The following DPP6 variants were observed in gnomAD, a reference collection of about 807,000 sequenced individuals.
DPP6 encodes the protein A-type potassium channel modulatory protein DPP6.
DPP6 carries 69 observed loss-of-function variants against 122.6 expected under a neutral mutation model. That is an observed-to-expected ratio of 0.56 (90% CI 0.46 to 0.69). The LOEUF (loss-of-function observed/expected upper bound fraction) is 0.69. Among genes scored for constraint, DPP6 ranks in the 30% least tolerant of loss-of-function variants. DPP6 has a pLI of 0.00. For missense variants in DPP6, 928 were observed against 1,116.9 expected (o/e 0.83, Z 2.41); for synonymous variants, 418 against 433.1 (o/e 0.97, Z 0.43).
At chr7:154,281,098 C>T (rs1027278796) in intron 1 of DPP6, among the ~76,000 whole-genome samples, 10 of 151,710 alleles carry the variant, frequency 6.6e-5, no homozygotes, top group Non-Finnish European at 1.2e-4. Context: ...CTGCAACCTC[C>T]GCCTCCCAGG....
chr7:154,069,451 A>T (rs1802964024), intron 1 of DPP6, among the ~76,000 whole-genome samples: 1 of 150,750 alleles, frequency 6.6e-6, no homozygotes, highest in Non-Finnish European at 1.5e-5. Flanking sequence ...AAAATAAAGT[A>T]TAATTTTTGA....
chr7:154,129,460 C>G (rs1233950093), intron 1 of DPP6, among the ~76,000 whole-genome samples: 1 of 152,198 alleles, frequency 6.6e-6, no homozygotes, highest in Non-Finnish European at 1.5e-5. Context: ...GTTGACTTAA[C>G]CTTTTGAAAA....
At chr7:154,452,776 C>G (rs1205436301) in intron 2 of DPP6, among the ~76,000 whole-genome samples, 1 of 152,188 alleles carries the variant, frequency 6.6e-6, no homozygotes, top group Non-Finnish European at 1.5e-5. Context: ...GGTAATCACT[C>G]TGAACAACAA....
intron 1 of DPP6, among the ~76,000 whole-genome samples, chr7:154,254,389 T>C (rs1802532921): frequency 6.6e-6 from 1 of 152,128 alleles, no homozygotes; most frequent in Non-Finnish European, 1.5e-5. Context: ...TAGGCTTACT[T>C]TGTTTATTTA....
At chr7:154,643,331 A>C (rs1836227753) in intron 6 of DPP6, among the ~76,000 whole-genome samples, 1 of 152,224 alleles carries the variant, frequency 6.6e-6, no homozygotes, top group Admixed American at 6.5e-5. Flanking sequence ...ATACTGTGTC[A>C]GCAAATACTT....
the DPP6 span, among the ~76,000 whole-genome samples, chr7:153,833,643 C>T: frequency 6.6e-6 from 1 of 151,504 alleles, no homozygotes; most frequent in Middle Eastern, 3.4e-3. Flanking sequence ...CACTGCACTC[C>T]AGCCTGGGCA....
At chr7:154,456,161 G>A (rs1308954984) in intron 2 of DPP6, among the ~76,000 whole-genome samples, 1 of 152,134 alleles carries the variant, frequency 6.6e-6, no homozygotes, top group Non-Finnish European at 1.5e-5. Context: ...AAGCAGGTCG[G>A]GGAACTAGGA....
At position 154,720,285 on chromosome 7, in the gene DPP6, G is replaced by A. The variant is rs1486319719; in HGVS notation, c.763-7482G>A. Among the ~76,000 whole-genome samples the A allele has an allele frequency of 5.3e-5, 8 of 152,286 alleles. 1 individual carries two copies. The South Asian group carries it at 1.7e-3, about 32-fold the overall frequency. On this transcript the variant is annotated intron_variant, in intron 7 of 25. Coordinates refer to ENST00000377770, the MANE Select transcript of DPP6 (RefSeq NM_130797.4). The stretch of plus-strand genomic sequence containing the variant: ...GCTTCCAGGCAGGGCGCCAGGGCAG[G>A]GCAGCATGGAGGAAGTGGAGACAGT...
intron 1 of DPP6, among the ~76,000 whole-genome samples, chr7:154,411,825 A>G (rs1324988289): frequency 6.6e-6 from 1 of 152,144 alleles, no homozygotes; most frequent in East Asian, 1.9e-4. Context: ...GGGCGCTAAT[A>G]ATACTTATTG....
At chr7:154,165,144 T>C (rs1462788644) in intron 1 of DPP6, among the ~76,000 whole-genome samples, 106 of 146,004 alleles carry the variant, frequency 7.3e-4, no homozygotes, top group African/African-American at 2.7e-3. Context: ...CTCCCAATAC[T>C]ATCCCTCCCC....
intron 1 of DPP6, among the ~76,000 whole-genome samples, chr7:154,213,110 C>G (rs1359420223): frequency 6.6e-6 from 1 of 152,150 alleles, no homozygotes; most frequent in Non-Finnish European, 1.5e-5. Context: ...GCCACCTGCT[C>G]TGATGGTCCA....
chr7:154,221,139 C>T (rs1800280479), intron 1 of DPP6, among the ~76,000 whole-genome samples: 1 of 151,972 alleles, frequency 6.6e-6, no homozygotes, highest in Non-Finnish European at 1.5e-5. Flanking sequence ...CATTAGGTTT[C>T]CTTTTATTGT....
At chr7:154,883,677 TACAC>T (rs1370945074) in intron 21 of DPP6, 2 of 145,886 alleles carry the variant, frequency 1.4e-5, no homozygotes, top group East Asian at 4.3e-4. Flanking sequence ...CACGATTACA[TACAC>T]CTGCTCACAC....
At chr7:154,370,862 G>A (rs1271400956) in intron 1 of DPP6, among the ~76,000 whole-genome samples, 1 of 152,180 alleles carries the variant, frequency 6.6e-6, no homozygotes, top group Admixed American at 6.5e-5. Context: ...GAAAGTGAGT[G>A]CGGATTTCTA....
chr7:154,163,107 A>G (rs1440071132), intron 1 of DPP6, among the ~76,000 whole-genome samples: 3 of 151,374 alleles, frequency 2.0e-5, no homozygotes, highest in Non-Finnish European at 4.4e-5. Context: ...CTAGTGTTGA[A>G]TGGAACTTGC....
At chr7:154,405,203 A>G (rs1305155717) in intron 1 of DPP6, among the ~76,000 whole-genome samples, 1 of 152,216 alleles carries the variant, frequency 6.6e-6, no homozygotes, top group Non-Finnish European at 1.5e-5. Context: ...TAGCTCAAGC[A>G]ACAATCATAC....
At chr7:154,468,655 G>A (rs886881707) in intron 2 of DPP6, among the ~76,000 whole-genome samples, 2 of 152,330 alleles carry the variant, frequency 1.3e-5, no homozygotes, top group Admixed American at 6.5e-5. Flanking sequence ...AGGACATGAA[G>A]AGGGAATGTA....
the DPP6 span, among the ~76,000 whole-genome samples, chr7:153,843,275 C>T: frequency 0.012 from 1,805 of 148,614 alleles, 14 homozygotes; most frequent in African/African-American, 0.022. Flanking sequence ...CACGCATGCG[C>T]GCGCGCACAC....
chr7:154,065,600 C>T (rs907686926), intron 1 of DPP6, among the ~76,000 whole-genome samples: 3 of 151,784 alleles, frequency 2.0e-5, no homozygotes, highest in Non-Finnish European at 2.9e-5. Flanking sequence ...TTAGTACCCC[C>T]GCCCCCGAGA....
Sources: allele counts gnomAD v4.1 joint callset (sites outside exome capture counted in the v4.1 genomes callset), GRCh38; gene constraint gnomAD v4.1.1; transcripts MANE v1.5; gene names NCBI Gene and HGNC (gene_info 2026-07-23, HGNC 2026-07-21).